Variants in SLC14A2 observed in about 807,000 individuals in gnomAD.
SLC14A2 encodes solute carrier family 14 member 2.
A neutral mutation model predicts 104.6 loss-of-function variants in SLC14A2; 91 were observed. The observed-to-expected ratio is 0.87, with a 90% CI of 0.73 to 1.04. The LOEUF (loss-of-function observed/expected upper bound fraction) is 1.04, where lower values mean the gene tolerates loss of function less well. Among genes scored for constraint, SLC14A2 ranks in the 50% least tolerant of loss-of-function variants. The probability of loss-of-function intolerance (pLI) is 0.00; values close to 1 mark genes in which losing one functional copy is unlikely to be tolerated. For missense variants in SLC14A2, 1,189 were observed against 1,156.0 expected, an observed-to-expected ratio of 1.03 and a Z score of -0.41; for synonymous variants, 476 against 466.4, an observed-to-expected ratio of 1.02 and a Z score of -0.27.
At chr18:45,660,871 T>C (rs2045925658) in intron 10 of SLC14A2, among the ~76,000 whole-genome samples, 1 of 152,222 alleles carries the variant, frequency 6.6e-6, no homozygotes, top group Non-Finnish European at 1.5e-5. Flanking sequence ...TCACTGTAAG[T>C]GTCTGCACAG....
At chr18:45,270,914 A>G (rs1010932549) in intron 1 of SLC14A2, among the ~76,000 whole-genome samples, 26 of 152,176 alleles carry the variant, frequency 1.7e-4, no homozygotes, top group Non-Finnish European at 1.3e-4. Context: ...AATACTCTAA[A>G]AAAGTGAGAA....
chr18:45,593,094 G>A (rs1477418923), intron 2 of SLC14A2, among the ~76,000 whole-genome samples: 2 of 152,150 alleles, frequency 1.3e-5, no homozygotes, highest in African/African-American at 2.4e-5. Context: ...GAGGCAGGCG[G>A]ATCATGAGGT....
the SLC14A2 span, among the ~76,000 whole-genome samples, chr18:45,203,847 T>A: frequency 2.0e-5 from 3 of 152,228 alleles, no homozygotes; most frequent in African/African-American, 4.8e-5. Flanking sequence ...TATGCAGTCT[T>A]GCCTACAGTA....
At chr18:45,361,168 G>A (rs918025378) in intron 1 of SLC14A2, among the ~76,000 whole-genome samples, 2 of 152,146 alleles carry the variant, frequency 1.3e-5, no homozygotes, top group African/African-American at 4.8e-5. Flanking sequence ...ATACAGCACA[G>A]ATGAAGTCAC....
At chr18:45,195,506 C>T in the SLC14A2 span, among the ~76,000 whole-genome samples, 13 of 152,292 alleles carry the variant, frequency 8.5e-5, no homozygotes, top group Non-Finnish European at 1.6e-4. Context: ...ATTCTTCTGC[C>T]TCAGCCTCCA....
chr18:45,435,003 G>A (rs904805817), intron 1 of SLC14A2, among the ~76,000 whole-genome samples: 1 of 152,140 alleles, frequency 6.6e-6, no homozygotes, highest in African/African-American at 2.4e-5. Context: ...ATATGGTAAT[G>A]TAATTATGCT....
At chr18:45,334,596 A>C (rs1451412777) in intron 1 of SLC14A2, among the ~76,000 whole-genome samples, 1 of 152,194 alleles carries the variant, frequency 6.6e-6, no homozygotes, top group African/African-American at 2.4e-5. Context: ...TTTGGAAATT[A>C]TCTTTTGAAT....
intron 1 of SLC14A2, among the ~76,000 whole-genome samples, chr18:45,375,900 C>A (rs927705285): frequency 2.6e-5 from 4 of 152,190 alleles, no homozygotes; most frequent in Admixed American, 6.5e-5. Context: ...CCCTGTGTCA[C>A]CCCAAATATC....
intron 1 of SLC14A2, among the ~76,000 whole-genome samples, chr18:45,349,233 G>A (rs1467438280): frequency 1.3e-5 from 2 of 152,200 alleles, no homozygotes; most frequent in East Asian, 1.9e-4. Flanking sequence ...AAAAACACAT[G>A]ATGCAAGCTG....
intron 1 of SLC14A2, among the ~76,000 whole-genome samples, chr18:45,448,748 A>G (rs1273997865): frequency 6.6e-6 from 1 of 152,150 alleles, no homozygotes. Context: ...TCATTCATGT[A>G]TTTATTTTTA....
At chr18:45,254,202 A>G (rs2084452211) in intron 1 of SLC14A2, among the ~76,000 whole-genome samples, 1 of 152,206 alleles carries the variant, frequency 6.6e-6, no homozygotes. Flanking sequence ...TGCCTCCTCA[A>G]AGAACCAATA....
intron 1 of SLC14A2, among the ~76,000 whole-genome samples, chr18:45,418,649 A>T (rs903536346): frequency 6.6e-5 from 10 of 152,202 alleles, no homozygotes; most frequent in Non-Finnish European, 1.0e-4. Context: ...ATGCCTGGGC[A>T]TTTATTTGGA....
chr18:45,483,909 C>T lies in SLC14A2; in HGVS notation c.-35+587C>T, dbSNP rs188953926. Among the ~76,000 whole-genome samples the T allele has an allele frequency of 3.2e-4, 49 of 152,216 alleles. 1 individual carries two copies. Among genetic ancestry groups the T allele is most frequent in the African/African-American group, 1.0e-3 (42 of 41,538 alleles). ...CAAAGAAAGCTGCTCAAGATGGATG[C>T]GCTGGCATCAGTGGGGGAGGAGGGT... is the stretch of plus-strand genomic sequence containing the variant. On this transcript the variant is annotated intron_variant, in intron 2 of 20. Transcript: ENST00000586448.
intron 1 of SLC14A2, among the ~76,000 whole-genome samples, chr18:45,384,449 A>G (rs1363150599): frequency 1.3e-5 from 2 of 152,308 alleles, no homozygotes; most frequent in African/African-American, 4.8e-5. Context: ...TTTGTTTCTC[A>G]GTAGGAATAA....
chr18:45,408,350 T>TG (rs2086179194), intron 1 of SLC14A2, among the ~76,000 whole-genome samples: 1 of 152,114 alleles, frequency 6.6e-6, no homozygotes, highest in Non-Finnish European at 1.5e-5. Context: ...AATTAATGAG[T>TG]GGTACTTGTG....
Position 45,294,651 on chromosome 18 carries a change from T to G in SLC14A2, c.-125+81460T>G, listed in dbSNP as rs140299072. 4.4e-4 allele frequency among the ~76,000 whole-genome samples: 67 copies of G among 152,338 alleles called. 1 individual carries two copies. In the East Asian group the frequency reaches 9.6e-3, roughly 22 times the overall value. On this transcript the variant is annotated intron_variant, in intron 1 of 20. Transcript: ENST00000586448. Reference sequence around the variant, plus strand: ...GGAGTTTTGCAAATGTTAATAGGTATAACTTGAAAATGATTTTCCACGATC... The same window carrying G: ...GGAGTTTTGCAAATGTTAATAGGTAGAACTTGAAAATGATTTTCCACGATC...
chr18:45,250,866 C>T (rs2084416134), intron 1 of SLC14A2, among the ~76,000 whole-genome samples: 1 of 144,204 alleles, frequency 6.9e-6, no homozygotes, highest in Non-Finnish European at 1.5e-5. Context: ...TTATGGGAAA[C>T]TTTGAAGATG....
chr18:45,392,208 C>T (rs747254689), intron 1 of SLC14A2, among the ~76,000 whole-genome samples: 22 of 152,140 alleles, frequency 1.4e-4, no homozygotes, highest in African/African-American at 5.1e-4. Flanking sequence ...GCCACTGTGG[C>T]CCCCCAGAGA....
chr18:45,559,211 C>A (rs913420450), intron 2 of SLC14A2, among the ~76,000 whole-genome samples: 1 of 152,106 alleles, frequency 6.6e-6, no homozygotes, highest in Non-Finnish European at 1.5e-5. Flanking sequence ...CGTAAGCAGC[C>A]ACAATGTTAG....
Sources: allele counts gnomAD v4.1 joint callset (sites outside exome capture counted in the v4.1 genomes callset), GRCh38; gene constraint gnomAD v4.1.1; transcripts MANE v1.5; gene names NCBI Gene and HGNC (gene_info 2026-07-23, HGNC 2026-07-21).